The following EDNRA variants were observed in gnomAD, a reference collection of about 807,000 sequenced individuals.
EDNRA encodes endothelin-1 receptor.
In EDNRA, 11 loss-of-function variants were observed where a neutral mutation model predicts 41.4. The ratio of observed to expected loss-of-function variants is 0.27; its 90% CI spans 0.17 to 0.44. The LOEUF (loss-of-function observed/expected upper bound fraction) is 0.44, where lower values mean the gene tolerates loss of function less well. EDNRA is among the 20% of genes least tolerant of loss of function. The probability of loss-of-function intolerance (pLI) is 1.00; values close to 1 mark genes in which losing one functional copy is unlikely to be tolerated. For missense variants in EDNRA, 294 were observed against 531.0 expected, an observed-to-expected ratio of 0.55 and a Z score of 4.39; for synonymous variants, 172 against 183.0, an observed-to-expected ratio of 0.94 and a Z score of 0.49.
intron 1 of EDNRA, among the ~76,000 whole-genome samples, chr4:147,485,341 GA>G (rs1313529279): frequency 6.6e-6 from 1 of 152,176 alleles, no homozygotes; most frequent in African/African-American, 2.4e-5. Context: ...TATAGAGACG[GA>G]AATGGAGACA....
At position 147,519,908 on chromosome 4, in the gene EDNRA, C is replaced by T; in HGVS notation, c.478C>T (p.Leu160=). ...HNDFGVFLCK[L]FPFLQKSSVG... ...TGACTTTGGCGTATTTCTTTGCAAG[C>T]TGTTCCCCTTTTTGCAGAAGTCCTC... The change falls in exon 3 of 8, where the codon CTG becomes TTG. Residue 160 remains leucine, a synonymous_variant. Transcript: ENST00000651419. This position sits in a 1 kb window ranked among gnomAD's most constrained non-coding sequence, Gnocchi z 4.1. 6.2e-7 allele frequency: 1 copy of T among 1,613,644 alleles called. No homozygotes were observed. Among genetic ancestry groups the T allele is most frequent in the Non-Finnish European group, 8.5e-7 (1 of 1,179,720 alleles).
At chr4:147,542,448 G>C in intron 7 of EDNRA, 30 bp from the exon 8 acceptor site, 1 of 1,613,440 alleles carries the variant, frequency 6.2e-7, no homozygotes. Flanking sequence ...TGGTAGGCTC[G>C]CCTTACTTCG....
intron 2 of EDNRA, among the ~76,000 whole-genome samples, chr4:147,500,977 C>T (rs923784531): frequency 3.9e-5 from 6 of 152,216 alleles, no homozygotes; most frequent in East Asian, 1.9e-4. Flanking sequence ...TGGATTGGCC[C>T]TCCAAACAGG....
chr4:147,539,744 T>C, intron 5 of EDNRA, 73 bp from the exon 6 acceptor site: 1 of 1,511,898 alleles, frequency 6.6e-7, no homozygotes. Context: ...TGCTACTTCT[T>C]GGTACTGTAG....
chr4:147,538,375 G>A lies in EDNRA; in HGVS notation c.901-1442G>A, dbSNP rs1289152839. On this transcript the variant is annotated intron_variant, in intron 5 of 7. Coordinates refer to ENST00000651419, the MANE Select transcript of EDNRA (RefSeq NM_001957.4). ...CTAACGGGTCAAAACCCTGCCAAGT[G>A]GCCATGTAGATAATTAGGCCAGGTT... is the stretch of plus-strand genomic sequence containing the variant. Among the ~76,000 whole-genome samples, 3 of 152,164 alleles carry A rather than the reference G, an allele frequency of 2.0e-5. No homozygotes were observed. The East Asian group carries it at 5.8e-4, about 29-fold the overall frequency.
intron 2 of EDNRA, among the ~76,000 whole-genome samples, chr4:147,514,844 C>T (rs1730057236): frequency 6.6e-6 from 1 of 152,194 alleles, no homozygotes; most frequent in South Asian, 2.1e-4. Flanking sequence ...TGACTGTCAG[C>T]TGTCATTTTT....
chr4:147,508,446 CA>C (rs1197440940), intron 2 of EDNRA, among the ~76,000 whole-genome samples: 1 of 152,110 alleles, frequency 6.6e-6, no homozygotes, highest in African/African-American at 2.4e-5. Flanking sequence ...GCCTGAAGAG[CA>C]AAAATTCTTA....
Position 147,486,820 on chromosome 4 carries a change from C to T in EDNRA, c.420+719C>T, listed in dbSNP as rs1420613975. On this transcript the variant is annotated intron_variant, in intron 2 of 7. Coordinates refer to ENST00000651419, the MANE Select transcript of EDNRA (RefSeq NM_001957.4). This position sits in a 1 kb window ranked among gnomAD's most constrained non-coding sequence, Gnocchi z 4.3. ...GGCAGTAAGGAACCAAAAAGAAACA[C>T]AACAAAGTCAGTGCCTCAGTGTGAG... Among the ~76,000 whole-genome samples, 1 of 150,388 alleles carries T rather than the reference C, an allele frequency of 6.6e-6. No individual in the cohort carries two copies. Among genetic ancestry groups the T allele is most frequent in the East Asian group, 2.0e-4 (1 of 4,996 alleles).
chr4:147,527,812 G>T (rs1052459339), intron 3 of EDNRA, among the ~76,000 whole-genome samples: 1 of 152,074 alleles, frequency 6.6e-6, no homozygotes, highest in Non-Finnish European at 1.5e-5. Context: ...ATGCAAAAAG[G>T]CTCTACCGGG....
intron 2 of EDNRA, among the ~76,000 whole-genome samples, chr4:147,507,944 G>C (rs1475087806): frequency 1.3e-5 from 2 of 152,074 alleles, no homozygotes; most frequent in African/African-American, 2.4e-5. Flanking sequence ...TTATGTATCT[G>C]CTTTGGTGAA....
intron 2 of EDNRA, among the ~76,000 whole-genome samples, chr4:147,497,148 T>C (rs867421228): frequency 1.4e-5 from 2 of 140,218 alleles, no homozygotes; most frequent in African/African-American, 5.7e-5. Context: ...ATAGAATTCT[T>C]CTTTTTTTTT....
intron 2 of EDNRA, among the ~76,000 whole-genome samples, chr4:147,500,445 C>T (rs186622421): frequency 3.3e-5 from 5 of 152,248 alleles, no homozygotes; most frequent in Admixed American, 2.6e-4. Context: ...CAGTCAGGTG[C>T]GGTGATTCAC....
chr4:147,485,535 A>C, intron 1 of EDNRA, 77 bp from the exon 2 acceptor site: 2 of 849,646 alleles, frequency 2.4e-6, no homozygotes, highest in South Asian at 1.8e-5. Context: ...TTTTAATTGA[A>C]TCAATAAATA....
At chr4:147,528,202 T>C (rs940987975) in intron 3 of EDNRA, among the ~76,000 whole-genome samples, 2 of 152,162 alleles carry the variant, frequency 1.3e-5, no homozygotes, top group African/African-American at 4.8e-5. Flanking sequence ...GTAAGGTACA[T>C]GCATGGTAAC....
chr4:147,520,529 G>A (rs773956536), intron 3 of EDNRA: 3 of 509,460 alleles, frequency 5.9e-6, no homozygotes, highest in Admixed American at 2.0e-5. Context: ...GAATCCGCAC[G>A]CATGATTGTT....
At chr4:147,497,035 A>C (rs1223944048) in intron 2 of EDNRA, among the ~76,000 whole-genome samples, 1 of 151,616 alleles carries the variant, frequency 6.6e-6, no homozygotes, top group Non-Finnish European at 1.5e-5. Context: ...ATCTAAATAT[A>C]TACTTCTTAT....
intron 3 of EDNRA, among the ~76,000 whole-genome samples, chr4:147,528,261 T>C (rs1730620967): frequency 6.6e-6 from 1 of 152,198 alleles, no homozygotes; most frequent in African/African-American, 2.4e-5. Flanking sequence ...AGGTATTTAT[T>C]TGGCACTTGT....
rs538538735 is a variant in EDNRA, at chr4:147,541,896, T to A, written c.1144-582T>A. 1.1e-4 allele frequency among the ~76,000 whole-genome samples: 17 copies of A among 152,208 alleles called. No homozygotes were observed. In the East Asian group the frequency reaches 3.3e-3, roughly 29 times the overall value. On this transcript the variant is annotated intron_variant, in intron 7 of 7. Coordinates refer to ENST00000651419, the MANE Select transcript of EDNRA (RefSeq NM_001957.4). ...TTCATTGGGGGAGGGAAAATCAAGG[T>A]AAAAATTATCAGAAATTAACCCCAC...
At position 147,485,727 on chromosome 4, in the gene EDNRA, G is replaced by T; in HGVS notation, c.46G>T (p.Gly16Ter). 1 of 1,613,708 alleles carries T rather than the reference G, an allele frequency of 6.2e-7. No individual in the cohort carries two copies. Among genetic ancestry groups the T allele is most frequent in the Non-Finnish European group, 8.5e-7 (1 of 1,179,766 alleles). Residue 16 changes from glycine to a stop codon, truncating the protein, a stop_gained, in exon 2 of 8, where the codon GGA (glycine) becomes TGA (stop). Transcript: ENST00000651419. LOFTEE classifies it high-confidence loss of function. ...GGCATCCTTTTGGCTGGCACTGGTT[G>T]GATGTGTAATCAGTGATAATCCTGA... Reference protein sequence around the residue: ...LRASFWLALVGCVISDNPERY... With the variant: ...LRASFWLALV
Sources: allele counts gnomAD v4.1 joint callset (sites outside exome capture counted in the v4.1 genomes callset), GRCh38; gene constraint gnomAD v4.1.1; non-coding constraint Gnocchi (gnomAD v3.1); transcripts MANE v1.5; gene names NCBI Gene and HGNC (gene_info 2026-07-23, HGNC 2026-07-21).